SLIT1: variants seen among roughly 807,000 people sequenced by gnomAD.
SLIT1 encodes slit guidance ligand 1.
In SLIT1, 66 loss-of-function variants were observed where a neutral mutation model predicts 186.1. The observed-to-expected ratio is 0.35, with a 90% CI of 0.29 to 0.44. The LOEUF is 0.44. SLIT1 is among the 20% of genes least tolerant of loss of function. SLIT1 has a pLI of 1.00. For synonymous variants in SLIT1, 761 were observed against 833.8 expected, an observed-to-expected ratio of 0.91 and a Z score of 1.50; for missense variants, 1,638 against 2,037.4, an observed-to-expected ratio of 0.80 and a Z score of 3.77.
chr10:97,054,420 C>T (rs1848819766), intron 13 of SLIT1, among the ~76,000 whole-genome samples: 1 of 152,044 alleles, frequency 6.6e-6, no homozygotes, highest in Non-Finnish European at 1.5e-5. Context: ...AACCTCTTTT[C>T]TTTATAGATT....
At chr10:97,137,256 T>C (rs781091110) in intron 4 of SLIT1, among the ~76,000 whole-genome samples, 7 of 152,322 alleles carry the variant, frequency 4.6e-5, no homozygotes, top group Admixed American at 3.9e-4. Context: ...CGAGGCACAC[T>C]CCTCTCTTGC....
chr10:97,085,082 C>A (rs539691427), intron 4 of SLIT1, among the ~76,000 whole-genome samples: 11 of 152,166 alleles, frequency 7.2e-5, no homozygotes, highest in Admixed American at 7.2e-4. Context: ...TGCTACCACA[C>A]CCGGCTAATT....
intron 4 of SLIT1, among the ~76,000 whole-genome samples, chr10:97,074,414 C>A (rs539439334): frequency 1.3e-5 from 2 of 152,310 alleles, no homozygotes; most frequent in Non-Finnish European, 2.9e-5. Context: ...ACCTATGCTG[C>A]GGCCACTTGT....
chr10:97,118,368 G>C (rs1474753325), intron 4 of SLIT1, among the ~76,000 whole-genome samples: 1 of 152,100 alleles, frequency 6.6e-6, no homozygotes, highest in African/African-American at 2.4e-5. Context: ...CCACTTCTTG[G>C]CGCAGCAGGA....
chr10:97,117,170 A>C (rs1849516812), intron 4 of SLIT1, among the ~76,000 whole-genome samples: 1 of 152,180 alleles, frequency 6.6e-6, no homozygotes, highest in Non-Finnish European at 1.5e-5. Flanking sequence ...TTAGAAAAAC[A>C]CTTGACATGA....
intron 25 of SLIT1, among the ~76,000 whole-genome samples, chr10:97,026,285 G>A (rs865875426): frequency 2.6e-5 from 4 of 151,988 alleles, no homozygotes; most frequent in South Asian, 2.1e-4. Context: ...CCAACATGGC[G>A]AAACCCCATC....
intron 4 of SLIT1, among the ~76,000 whole-genome samples, chr10:97,118,002 T>G (rs2636813): frequency 6.6e-6 from 1 of 152,026 alleles, no homozygotes; most frequent in Non-Finnish European, 1.5e-5. Context: ...CTACATTTTT[T>G]AATAAACAGC....
chr10:97,079,080 C>G (rs1849077294), intron 4 of SLIT1, among the ~76,000 whole-genome samples: 1 of 152,250 alleles, frequency 6.6e-6, no homozygotes, highest in South Asian at 2.1e-4. Flanking sequence ...CTACCATTTA[C>G]TGCCTGTGTG....
chr10:97,007,973 G>A (rs1329797446), intron 31 of SLIT1, among the ~76,000 whole-genome samples: 2 of 139,128 alleles, frequency 1.4e-5, no homozygotes, highest in African/African-American at 2.6e-5. Flanking sequence ...GAAAGAAAAG[G>A]AATGAAGGAA....
At chr10:97,164,582 C>A (rs561849805) in intron 2 of SLIT1, among the ~76,000 whole-genome samples, 1 of 152,312 alleles carries the variant, frequency 6.6e-6, no homozygotes, top group East Asian at 1.9e-4. Flanking sequence ...TCTGAAAGAA[C>A]TGAGGTCCTA....
chr10:97,088,419 C>A (rs981384065), intron 4 of SLIT1, among the ~76,000 whole-genome samples: 1 of 152,170 alleles, frequency 6.6e-6, no homozygotes, highest in Non-Finnish European at 1.5e-5. Flanking sequence ...TGGTGAATGA[C>A]TGACAGCCCT....
intron 2 of SLIT1, 71 bp from the exon 3 acceptor site, chr10:97,163,522 G>A (rs570410816): frequency 3.7e-5 from 51 of 1,390,734 alleles, no homozygotes; most frequent in South Asian, 3.6e-4. Context: ...CTGGCACAAC[G>A]GCGGGGCAGA....
rs1450905865 is a variant in SLIT1 at position 97,056,432 on chromosome 10, C to T, written c.1190G>A (p.Arg397Gln). ...CTGCAGGTCCTGGAAGGCATCGGGC[C>T]GGATGCAGTTGATCTTGTTGGCATT... is the stretch of plus-strand genomic sequence containing the variant. ...LLNANKINCI[R>Q]PDAFQDLQNL... Residue 397 changes from arginine to glutamine, a missense_variant, in exon 13 of 37, where the codon CGG becomes CAG. Physicochemically the swap from Arg to Gln is conservative, Grantham distance 43. Transcript: ENST00000266058. 7 of 1,614,022 alleles carry T rather than the reference C, an allele frequency of 4.3e-6. No individual in the cohort carries two copies. The highest frequency in any genetic ancestry group is 3.3e-5 in the Admixed American group (2 of 60,002).
At chr10:97,093,891 T>G (rs966104619) in intron 4 of SLIT1, among the ~76,000 whole-genome samples, 96 of 152,206 alleles carry the variant, frequency 6.3e-4, no homozygotes, top group African/African-American at 2.2e-3. Flanking sequence ...AGTCCTGAGA[T>G]GAAGAGAATA....
intron 4 of SLIT1, among the ~76,000 whole-genome samples, chr10:97,067,744 C>T (rs916189875): frequency 6.6e-6 from 1 of 152,174 alleles, no homozygotes; most frequent in East Asian, 1.9e-4. Flanking sequence ...CACCGGGGTC[C>T]TGAAGGTGAA....
At chr10:97,003,362 C>T (rs886769670) in intron 34 of SLIT1, among the ~76,000 whole-genome samples, 1 of 152,244 alleles carries the variant, frequency 6.6e-6, no homozygotes, top group African/African-American at 2.4e-5. Flanking sequence ...AGGACCGAGA[C>T]ATCACGTGTG....
chr10:97,081,896 G>A (rs755272929), intron 4 of SLIT1, among the ~76,000 whole-genome samples: 6 of 152,204 alleles, frequency 3.9e-5, no homozygotes, highest in Non-Finnish European at 8.8e-5. Context: ...TTGGATCCCA[G>A]CCACCTTCAA....
intron 4 of SLIT1, among the ~76,000 whole-genome samples, chr10:97,136,670 C>G (rs991398292): frequency 1.3e-5 from 2 of 152,172 alleles, no homozygotes; most frequent in African/African-American, 2.4e-5. Context: ...CCCTGAAAGC[C>G]AGGAAATGGG....
chr10:97,162,616 A>G (rs1311842487), intron 3 of SLIT1, among the ~76,000 whole-genome samples: 1 of 152,166 alleles, frequency 6.6e-6, no homozygotes, highest in East Asian at 1.9e-4. Flanking sequence ...TGGTCTCAAA[A>G]ATAAATAAAT....
Sources: gnomAD v4.1 joint callset for allele counts (sites outside exome capture counted in the v4.1 genomes callset) on GRCh38, gnomAD v4.1.1 for gene constraint, MANE v1.5 for transcripts, NCBI Gene and HGNC (gene_info 2026-07-23, HGNC 2026-07-21) for gene names.